Variants in PHC3 observed in about 807,000 individuals in gnomAD.
PHC3 encodes polyhomeotic-like protein 3.
A neutral mutation model predicts 107.4 loss-of-function variants in PHC3; 13 were observed. That is an observed-to-expected ratio of 0.12 (90% CI 0.08 to 0.19). The LOEUF is 0.19. PHC3 is among the 10% of genes least tolerant of loss of function. PHC3 has a pLI of 1.00. For synonymous variants in PHC3, 456 were observed against 427.4 expected (o/e 1.07, Z -0.83); for missense variants, 992 against 1,210.9 (o/e 0.82, Z 2.68).
chr3:170,119,221 T>A (rs1387103455), intron 9 of PHC3, among the ~76,000 whole-genome samples: 1 of 152,116 alleles, frequency 6.6e-6, no homozygotes, highest in Non-Finnish European at 1.5e-5. Flanking sequence ...ATGAAAGATT[T>A]AAAAATTCTG....
At chr3:170,137,362 G>C (rs1723270335) in intron 6 of PHC3, among the ~76,000 whole-genome samples, 1 of 152,116 alleles carries the variant, frequency 6.6e-6, no homozygotes, top group Non-Finnish European at 1.5e-5. Context: ...CTGGATGGTA[G>C]CAAGGATTAT....
rs144919631 is a variant in PHC3, at chr3:170,177,746, T to C, written c.180+1027A>G. On this transcript the variant is annotated intron_variant, in intron 2 of 14. Transcript: ENST00000495893. ...AGTACAGTGGTGCGATCACAGCTCA[T>C]TGCAGCCTTGACCTCCTGGGCTCAA... Among the ~76,000 whole-genome samples, 416 of 146,202 alleles carry C rather than the reference T, an allele frequency of 2.8e-3. 1 individual carries two copies. The highest frequency in any genetic ancestry group is 4.9e-3 in the Non-Finnish European group (330 of 67,058).
Position 170,089,377 on chromosome 3 carries a change from T to C in PHC3, c.*7853A>G, listed in dbSNP as rs1186550303. The C allele has an allele frequency of 1.3e-5, 2 of 152,166 alleles. No homozygotes were observed. The highest frequency in any genetic ancestry group is 3.8e-4 in the East Asian group (2 of 5,198). The allele number at this position is 152,166 out of a possible 1,614,324, so 9.4% of individuals were successfully genotyped here. Reference sequence around the variant, plus strand: ...TCCCATTCAATGTTTACCCCCTAGATACTTAACAATTCAAGCATGGAACTG... The same window carrying C: ...TCCCATTCAATGTTTACCCCCTAGACACTTAACAATTCAAGCATGGAACTG... On this transcript the variant is annotated 3_prime_UTR_variant, in exon 15 of 15. Coordinates refer to ENST00000495893, the MANE Select transcript of PHC3 (RefSeq NM_024947.4).
At position 170,089,838 on chromosome 3, in the gene PHC3, A is replaced by G. The variant is rs1432590187; in HGVS notation, c.*7392T>C. The G allele has an allele frequency of 1.3e-5, 2 of 149,252 alleles. No homozygotes were observed. The highest frequency in any genetic ancestry group is 5.0e-5 in the African/African-American group (2 of 40,254). 9.2% of individuals were successfully genotyped at this position (149,252 alleles called of 1,614,324 possible). ...AGGCTGAGGCAAGACAATCGCTTCA[A>G]CCCGGGAGGTGGAGGTTGCAGTGAG... On this transcript the variant is annotated 3_prime_UTR_variant, in exon 15 of 15. Transcript: ENST00000495893.
At chr3:170,108,966 T>G (rs1447574336) in intron 11 of PHC3, among the ~76,000 whole-genome samples, 2 of 152,134 alleles carry the variant, frequency 1.3e-5, no homozygotes, top group African/African-American at 4.8e-5. Flanking sequence ...TGGTTTACAG[T>G]TAACCGAACA....
In PHC3 at chr3:170,094,514, A is replaced by G. The variant is rs1237011185; in HGVS notation, c.*2716T>C. The G allele has an allele frequency of 6.6e-6, 1 of 152,184 alleles. No homozygotes were observed. Among genetic ancestry groups the G allele is most frequent in the Non-Finnish European group, 1.5e-5 (1 of 68,040 alleles). 9.4% of individuals were successfully genotyped at this position (152,184 alleles called of 1,614,324 possible). ...ACTATTAGTAGTAGTATGAAAGGAT[A>G]TGAAAACAATTTACTCTCCCCACCT... On this transcript the variant is annotated 3_prime_UTR_variant, in exon 15 of 15. Transcript: ENST00000495893.
At chr3:170,119,436 C>T (rs1719754600) in intron 9 of PHC3, among the ~76,000 whole-genome samples, 1 of 152,114 alleles carries the variant, frequency 6.6e-6, no homozygotes. Context: ...AGATCATGTG[C>T]ATAAATGTGC....
intron 6 of PHC3, among the ~76,000 whole-genome samples, chr3:170,143,844 C>T (rs1476086940): frequency 6.6e-6 from 1 of 152,122 alleles, no homozygotes; most frequent in Non-Finnish European, 1.5e-5. Context: ...CAATCAATCT[C>T]CTCCTACTTT....
At chr3:170,117,526 C>A in intron 9 of PHC3, 50 bp from the exon 10 acceptor site, 2 of 1,549,098 alleles carry the variant, frequency 1.3e-6, no homozygotes, top group Non-Finnish European at 1.7e-6. Context: ...GCATTTTGCC[C>A]AAGCAAATGA....
intron 7 of PHC3, among the ~76,000 whole-genome samples, chr3:170,130,816 A>C (rs1461921137): frequency 6.6e-6 from 1 of 152,190 alleles, no homozygotes; most frequent in Non-Finnish European, 1.5e-5. Context: ...GTAAGAATGG[A>C]AACTGAGTTC....
At chr3:170,103,468 A>G (rs916505377) in intron 12 of PHC3, among the ~76,000 whole-genome samples, 3 of 152,232 alleles carry the variant, frequency 2.0e-5, no homozygotes, top group African/African-American at 7.2e-5. Flanking sequence ...AAGTTACACA[A>G]GGAATTCATT....
intron 11 of PHC3, among the ~76,000 whole-genome samples, chr3:170,108,163 CA>C (rs1370736445): frequency 6.6e-6 from 1 of 152,074 alleles, no homozygotes; most frequent in Admixed American, 6.6e-5. Flanking sequence ...TTAAAAAAAG[CA>C]ACAAAAGCAT....
intron 4 of PHC3, among the ~76,000 whole-genome samples, chr3:170,164,127 T>G (rs1728355815): frequency 6.6e-6 from 1 of 152,028 alleles, no homozygotes; most frequent in Non-Finnish European, 1.5e-5. Context: ...GCTTGAGAAT[T>G]TGAAGCTGCA....
At position 170,145,469 on chromosome 3, in the gene PHC3, A is replaced by T; in HGVS notation, c.626T>A (p.Val209Asp). ...GGAAGATGACGATGACGACGAGACA[A>T]CAGGAATGTCAGACTGTACAGCAGC... Reference protein sequence around the residue: ...TVAAVQSDIPVVSSSSSSSCQ... With the variant: ...TVAAVQSDIPDVSSSSSSSCQ... The change falls in exon 6 of 15, where the codon GTT (valine) becomes GAT (aspartate). Residue 209 changes from valine (V) to aspartate (D), a missense_variant. By Grantham distance (152) the Val-to-Asp change is radical (BLOSUM62 -3). Around this residue, in one of 6 missense-constraint regions of PHC3, gnomAD observed 543 missense variants for 590.8 expected, o/e 0.92. Transcript: ENST00000495893. The T allele has an allele frequency of 6.2e-7, 1 of 1,613,646 alleles. No individual in the cohort carries two copies. The highest frequency in any genetic ancestry group is 8.5e-7 in the Non-Finnish European group (1 of 1,179,636).
chr3:170,105,703 T>C (rs554186589), intron 12 of PHC3, among the ~76,000 whole-genome samples: 9 of 152,204 alleles, frequency 5.9e-5, no homozygotes, highest in Non-Finnish European at 1.3e-4. Context: ...GTACAAGCTA[T>C]AGTCATCCTA....
chr3:170,174,840 G>C (rs1730165103), intron 2 of PHC3, among the ~76,000 whole-genome samples: 1 of 152,148 alleles, frequency 6.6e-6, no homozygotes, highest in South Asian at 2.1e-4. Flanking sequence ...AAGTGATTCA[G>C]AATTATAACA....
At chr3:170,105,290 AG>A (rs1716273597) in intron 12 of PHC3, among the ~76,000 whole-genome samples, 2 of 152,234 alleles carry the variant, frequency 1.3e-5, no homozygotes, top group Non-Finnish European at 2.9e-5. Flanking sequence ...TTAAAACATG[AG>A]TTACATAATT....
intron 4 of PHC3, among the ~76,000 whole-genome samples, chr3:170,168,032 T>G (rs965478342): frequency 6.6e-6 from 1 of 152,058 alleles, no homozygotes; most frequent in Non-Finnish European, 1.5e-5. Flanking sequence ...CATAGTGGTG[T>G]GCGCCTGTAG....
chr3:170,140,982 C>T (rs1724005853), intron 6 of PHC3, among the ~76,000 whole-genome samples: 1 of 152,030 alleles, frequency 6.6e-6, no homozygotes, highest in South Asian at 2.1e-4. Context: ...AGGAATGGAG[C>T]ATTTAACATA....
Sources: allele counts gnomAD v4.1 joint callset (sites outside exome capture counted in the v4.1 genomes callset), GRCh38; gene constraint gnomAD v4.1.1; regional missense constraint gnomAD v4.1.1; transcripts MANE v1.5; gene names NCBI Gene and HGNC (gene_info 2026-07-23, HGNC 2026-07-21).